The following SERGEF variants were observed in gnomAD, a reference collection of about 807,000 sequenced individuals.
The protein encoded by SERGEF is secretion regulating guanine nucleotide exchange factor.
Under a neutral mutation model 50.0 loss-of-function variants are expected in SERGEF, and 51 were observed. The ratio of observed to expected loss-of-function variants is 1.02; its 90% CI spans 0.81 to 1.29. The LOEUF is 1.29. Among genes scored for constraint, SERGEF ranks in the 50% most tolerant of loss-of-function variants. SERGEF has a pLI of 0.00. For synonymous variants in SERGEF, 205 were observed against 212.4 expected, an observed-to-expected ratio of 0.97 and a Z score of 0.30; for missense variants, 521 against 557.0, an observed-to-expected ratio of 0.94 and a Z score of 0.65.
chr11:17,845,796 G>C (rs1371388218), intron 10 of SERGEF, among the ~76,000 whole-genome samples: 1 of 152,134 alleles, frequency 6.6e-6, no homozygotes, highest in Non-Finnish European at 1.5e-5. Context: ...TGATGATAAA[G>C]AAACTAAGGT....
At chr11:17,914,074 T>G (rs1047491035) in intron 9 of SERGEF, among the ~76,000 whole-genome samples, 1 of 152,248 alleles carries the variant, frequency 6.6e-6, no homozygotes, top group Non-Finnish European at 1.5e-5. Context: ...ATTGTTTCAA[T>G]TATTTCCCTT....
chr11:17,948,885 C>G (rs2133962361), intron 9 of SERGEF, among the ~76,000 whole-genome samples: 1 of 152,346 alleles, frequency 6.6e-6, no homozygotes, highest in East Asian at 1.9e-4. Context: ...TAGCCAGTCT[C>G]CCTGAGTCTT....
intron 9 of SERGEF, among the ~76,000 whole-genome samples, chr11:17,882,093 T>C (rs1851341173): frequency 6.6e-6 from 1 of 152,212 alleles, no homozygotes. Flanking sequence ...GAAATTTGCT[T>C]TCTCCCACTG....
rs776416442 is a variant in SERGEF, at chr11:17,988,790, G to A, written c.686-35C>T. ...ACAGAAGGGTAACAAAAGAGGTGAG[G>A]GAACATTAGTCCAAAATGATGGAAA... On this transcript the variant is annotated intron_variant, in intron 7 of 10. Transcript: ENST00000265965. 1.4e-5 allele frequency: 22 copies of A among 1,591,158 alleles called. No individual in the cohort carries two copies. The South Asian group carries it at 2.5e-4, about 18-fold the overall frequency.
intron 5 of SERGEF, among the ~76,000 whole-genome samples, chr11:17,998,526 A>ATG (rs1285648651): frequency 5.4e-4 from 10 of 18,576 alleles, no homozygotes; most frequent in Middle Eastern, 0.026. Flanking sequence ...ATATATGTTT[A>ATG]TATGTGTGTG....
chr11:17,902,209 T>C (rs1851759985), intron 9 of SERGEF, among the ~76,000 whole-genome samples: 1 of 108,298 alleles, frequency 9.2e-6, no homozygotes, highest in Non-Finnish European at 2.0e-5. Context: ...GACAAACCTA[T>C]ATGGGAATTG....
chr11:17,963,364 TAA>T (rs1174880141), intron 8 of SERGEF, among the ~76,000 whole-genome samples: 8,532 of 49,222 alleles, frequency 0.17, 285 homozygotes, highest in African/African-American at 0.2. Flanking sequence ...TTACTATTAG[TAA>T]AAAAAAAAAA....
chr11:17,988,485 T>C, intron 8 of SERGEF, 112 bp downstream of exon 8: 1 of 1,014,446 alleles, frequency 9.9e-7, no homozygotes. Context: ...TCCCCATCTC[T>C]GATCTTTAAG....
At chr11:17,802,293 GAATA>G (rs1333033951) in intron 10 of SERGEF, among the ~76,000 whole-genome samples, 1 of 152,176 alleles carries the variant, frequency 6.6e-6, no homozygotes, top group Non-Finnish European at 1.5e-5. Flanking sequence ...TTGGTTCTAA[GAATA>G]AATACACAAA....
intron 10 of SERGEF, among the ~76,000 whole-genome samples, chr11:17,801,909 C>T (rs887537033): frequency 4.6e-5 from 7 of 152,168 alleles, no homozygotes; most frequent in African/African-American, 1.2e-4. Context: ...AAGTGCTTGA[C>T]TGGGATGCAT....
At chr11:17,814,228 A>C (rs1160510276) in intron 10 of SERGEF, among the ~76,000 whole-genome samples, 2 of 152,202 alleles carry the variant, frequency 1.3e-5, no homozygotes, top group African/African-American at 4.8e-5. Flanking sequence ...TATTACAGTG[A>C]ATTGATTTTA....
chr11:17,964,752 T>TA (rs1305583078), intron 8 of SERGEF, among the ~76,000 whole-genome samples: 3 of 152,224 alleles, frequency 2.0e-5, no homozygotes, highest in Non-Finnish European at 4.4e-5. Context: ...TGTTTACAAA[T>TA]ACAAGCACCA....
At chr11:17,857,917 C>CT (rs1384420230) in intron 10 of SERGEF, among the ~76,000 whole-genome samples, 2 of 152,114 alleles carry the variant, frequency 1.3e-5, no homozygotes, top group African/African-American at 2.4e-5. Context: ...AGTATGAATC[C>CT]ACCAAGAAAA....
At chr11:17,945,460 A>G (rs1435354007) in intron 9 of SERGEF, among the ~76,000 whole-genome samples, 1 of 152,256 alleles carries the variant, frequency 6.6e-6, no homozygotes, top group Non-Finnish European at 1.5e-5. Context: ...AAAATTAAAA[A>G]TTCAGTCAGT....
chr11:17,930,242 AGATGCTCAACAAAT>A (rs1163023841), intron 9 of SERGEF, among the ~76,000 whole-genome samples: 1 of 152,234 alleles, frequency 6.6e-6, no homozygotes, highest in Admixed American at 6.5e-5. Flanking sequence ...GGCACAAAAT[AGATGCTCAACAAAT>A]GTTATCCTCC....
intron 10 of SERGEF, among the ~76,000 whole-genome samples, chr11:17,810,783 A>G (rs1849853796): frequency 6.6e-6 from 1 of 151,104 alleles, no homozygotes. Flanking sequence ...ACAGGTCCTG[A>G]GGAAAAGCAG....
At chr11:17,978,180 A>G (rs536538931) in intron 8 of SERGEF, among the ~76,000 whole-genome samples, 1 of 152,240 alleles carries the variant, frequency 6.6e-6, no homozygotes, top group South Asian at 2.1e-4. Flanking sequence ...CAGCAGTATT[A>G]CCCTCAGGCT....
chr11:17,801,173 C>A, intron 10 of SERGEF, among the ~76,000 whole-genome samples: 1 of 129,018 alleles, frequency 7.8e-6, no homozygotes, highest in East Asian at 2.3e-4. Flanking sequence ...CCGGCCTGGG[C>A]GAAAGAGCGA....
chr11:17,999,565 G>A, intron 5 of SERGEF: 1 of 456,280 alleles, frequency 2.2e-6, no homozygotes, highest in South Asian at 1.5e-5. Context: ...CAGCCAATTA[G>A]TGCTGTCCTT....
Sources: gnomAD v4.1 joint callset for allele counts (sites outside exome capture counted in the v4.1 genomes callset) on GRCh38, gnomAD v4.1.1 for gene constraint, MANE v1.5 for transcripts, NCBI Gene and HGNC (gene_info 2026-07-23, HGNC 2026-07-21) for gene names.